RORA: variants seen among roughly 807,000 people sequenced by gnomAD.
The protein encoded by RORA is nuclear receptor ROR-alpha.
In RORA, 7 loss-of-function variants were observed where a neutral mutation model predicts 69.5. The observed-to-expected ratio is 0.10, with a 90% confidence interval of 0.06 to 0.19. The LOEUF (loss-of-function observed/expected upper bound fraction) is 0.19, where lower values mean the gene tolerates loss of function less well. Ranked by LOEUF, RORA falls within the 10% of genes least tolerant of loss-of-function variation. The probability of loss-of-function intolerance (pLI) is 1.00; values close to 1 mark genes in which losing one functional copy is unlikely to be tolerated. For missense variants in RORA, 457 were observed against 663.0 expected, an observed-to-expected ratio of 0.69 and a Z score of 3.41; for synonymous variants, 261 against 240.8, an observed-to-expected ratio of 1.08 and a Z score of -0.78.
intron 1 of RORA, among the ~76,000 whole-genome samples, chr15:61,119,085 G>A (rs896247265): frequency 6.7e-6 from 1 of 150,336 alleles, no homozygotes; most frequent in Non-Finnish European, 1.5e-5. Context: ...AACAGAAGGG[G>A]GGGGGGGGCG....
intron 2 of RORA, among the ~76,000 whole-genome samples, chr15:60,569,083 T>C (rs2067800088): frequency 6.6e-6 from 1 of 152,050 alleles, no homozygotes; most frequent in Non-Finnish European, 1.5e-5. Flanking sequence ...TCTAATCATT[T>C]CTTTGTGGTA....
intron 1 of RORA, among the ~76,000 whole-genome samples, chr15:60,934,528 T>C (rs1475299563): frequency 2.0e-5 from 3 of 152,102 alleles, no homozygotes; most frequent in Non-Finnish European, 4.4e-5. Context: ...TGATATGAGG[T>C]CTCACTATGT....
intron 1 of RORA, among the ~76,000 whole-genome samples, chr15:61,009,217 T>C (rs984809057): frequency 6.6e-6 from 1 of 152,224 alleles, no homozygotes; most frequent in African/African-American, 2.4e-5. Context: ...GATGCTGCCT[T>C]TCTTTCCCTA....
At chr15:60,611,494 T>C (rs1174614595) in intron 2 of RORA, among the ~76,000 whole-genome samples, 1 of 148,166 alleles carries the variant, frequency 6.7e-6, no homozygotes, top group African/African-American at 2.5e-5. Flanking sequence ...CTATTCTGCA[T>C]TTTCTTTGTC....
chr15:60,691,111 C>T (rs1454331941), intron 1 of RORA, among the ~76,000 whole-genome samples: 1 of 152,108 alleles, frequency 6.6e-6, no homozygotes, highest in African/African-American at 2.4e-5. Context: ...AGACTCACAT[C>T]CTTTCTGTTT....
chr15:60,498,812 A>T (rs2141253128), intron 10 of RORA, among the ~76,000 whole-genome samples: 1 of 152,142 alleles, frequency 6.6e-6, no homozygotes, highest in African/African-American at 2.4e-5. Flanking sequence ...GCAAAACAGC[A>T]ATTAACCCCC....
chr15:61,227,965 G>A (rs1340730306), intron 1 of RORA, among the ~76,000 whole-genome samples: 2 of 152,102 alleles, frequency 1.3e-5, no homozygotes, highest in Non-Finnish European at 2.9e-5. Flanking sequence ...CTTCAAGAAA[G>A]AGTGAGCTTT....
chr15:60,599,303 C>A (rs1003185924), intron 2 of RORA, among the ~76,000 whole-genome samples: 3 of 152,170 alleles, frequency 2.0e-5, no homozygotes, highest in Non-Finnish European at 4.4e-5. Context: ...GTAATCCCAG[C>A]ACTTTGGGAG....
intron 1 of RORA, among the ~76,000 whole-genome samples, chr15:60,838,586 A>G (rs1339990009): frequency 2.0e-5 from 3 of 152,196 alleles, no homozygotes. Context: ...AAAAAGTGGC[A>G]GAAGCCACAG....
At chr15:60,583,430 A>G (rs1596012242) in intron 2 of RORA, among the ~76,000 whole-genome samples, 1 of 152,362 alleles carries the variant, frequency 6.6e-6, no homozygotes, top group Non-Finnish European at 1.5e-5. Flanking sequence ...TTCTGCAGTA[A>G]GACTCTTAGC....
At chr15:61,132,210 G>C (rs1218286216) in intron 1 of RORA, among the ~76,000 whole-genome samples, 1 of 152,082 alleles carries the variant, frequency 6.6e-6, no homozygotes, top group Non-Finnish European at 1.5e-5. Context: ...AATTCAATTT[G>C]TTTTAATTTC....
chr15:61,069,632 T>C (rs1025705952), intron 1 of RORA, among the ~76,000 whole-genome samples: 3 of 151,784 alleles, frequency 2.0e-5, no homozygotes, highest in Non-Finnish European at 2.9e-5. Flanking sequence ...GTTCATAACA[T>C]TGATTAATCC....
chr15:61,034,335 G>A (rs151217687), intron 1 of RORA, among the ~76,000 whole-genome samples: 57 of 152,268 alleles, frequency 3.7e-4, no homozygotes, highest in African/African-American at 1.3e-3. Context: ...TTATTTGGTG[G>A]CACAAAGTGA....
chr15:61,014,551 T>C (rs1256551488), intron 1 of RORA, among the ~76,000 whole-genome samples: 1 of 152,248 alleles, frequency 6.6e-6, no homozygotes, highest in African/African-American at 2.4e-5. Flanking sequence ...TATGCTCTTC[T>C]GAATTTGTAT....
chr15:60,597,569 TATATACAC>T (rs1363719002), intron 2 of RORA, among the ~76,000 whole-genome samples: 6 of 33,752 alleles, frequency 1.8e-4, no homozygotes, highest in African/African-American at 5.4e-4. Context: ...TATATATATA[TATATACAC>T]ATATATATAT....
intron 2 of RORA, among the ~76,000 whole-genome samples, chr15:60,669,252 T>C (rs932042820): frequency 3.3e-5 from 5 of 152,148 alleles, no homozygotes; most frequent in Non-Finnish European, 1.5e-5. Flanking sequence ...CACCGTGGAG[T>C]TAGAGAAAAA....
At chr15:60,523,685 A>G (rs1018122797) in intron 3 of RORA, among the ~76,000 whole-genome samples, 5 of 152,228 alleles carry the variant, frequency 3.3e-5, no homozygotes, top group African/African-American at 9.6e-5. Context: ...AACAGAATAT[A>G]TATATTTAGA....
intron 1 of RORA, among the ~76,000 whole-genome samples, chr15:61,081,200 G>A (rs1397724291): frequency 1.3e-5 from 2 of 152,110 alleles, no homozygotes; most frequent in East Asian, 1.9e-4. Flanking sequence ...AAGGCCTGAG[G>A]GCACTGGGCC....
At chr15:61,005,611 T>C (rs1379490983) in intron 1 of RORA, among the ~76,000 whole-genome samples, 2 of 152,216 alleles carry the variant, frequency 1.3e-5, no homozygotes, top group Non-Finnish European at 2.9e-5. Flanking sequence ...TATATATACA[T>C]ACACACACAT....
Sources: gnomAD v4.1 joint callset for allele counts (sites outside exome capture counted in the v4.1 genomes callset) on GRCh38, gnomAD v4.1.1 for gene constraint, MANE v1.5 for transcripts, NCBI Gene and HGNC (gene_info 2026-07-23, HGNC 2026-07-21) for gene names.